AASS: variants seen among roughly 807,000 people sequenced by gnomAD.
AASS encodes alpha-aminoadipic semialdehyde synthase, mitochondrial.
In AASS, 86 loss-of-function variants were observed where a neutral mutation model predicts 105.4. The ratio of observed to expected loss-of-function variants is 0.82; its 90% CI spans 0.69 to 0.98. The LOEUF (loss-of-function observed/expected upper bound fraction) is 0.98, where lower values mean the gene tolerates loss of function less well. AASS is among the 50% of genes least tolerant of loss of function. The probability of loss-of-function intolerance (pLI) is 0.00; values close to 1 mark genes in which losing one functional copy is unlikely to be tolerated. For missense variants in AASS, 1,048 were observed against 1,143.2 expected, an observed-to-expected ratio of 0.92 and a Z score of 1.20; for synonymous variants, 381 against 394.8, an observed-to-expected ratio of 0.96 and a Z score of 0.41.
rs764089104 is a variant in AASS at position 122,078,902 on chromosome 7, C to T, written c.2445G>A (p.Leu815=). 3.1e-5 allele frequency: 50 copies of T among 1,614,002 alleles called. No individual in the cohort carries two copies. The East Asian group carries it at 1.0e-3, about 33-fold the overall frequency. ...DEQVPQAESI[L]DALSKHLVMK... ...TGACCAAATGCTTGGAGAGGGCATC[C>T]AGAATGGACTCTGCCTGAGGAACTT... The change falls in exon 22 of 24, where the codon CTG becomes CTA. Residue 815 remains leucine (L), a synonymous_variant. Coordinates refer to ENST00000417368, the MANE Select transcript of AASS (RefSeq NM_005763.4).
intron 1 of AASS, among the ~76,000 whole-genome samples, chr7:122,142,039 C>T (rs890404742): frequency 2.6e-5 from 4 of 152,132 alleles, no homozygotes; most frequent in African/African-American, 9.7e-5. Context: ...AAGCTACCTG[C>T]ATTAATAGCA....
intron 11 of AASS, among the ~76,000 whole-genome samples, chr7:122,106,714 T>G (rs1355228443): frequency 2.0e-5 from 3 of 152,106 alleles, no homozygotes; most frequent in African/African-American, 7.2e-5. Context: ...TGCAGAAGAT[T>G]AAAACTGGAT....
At chr7:122,120,539 C>T (rs1256095625) in intron 4 of AASS, among the ~76,000 whole-genome samples, 1 of 151,626 alleles carries the variant, frequency 6.6e-6, no homozygotes, top group Non-Finnish European at 1.5e-5. Flanking sequence ...CTATTCTTTT[C>T]CTGTTTTAGT....
intron 11 of AASS, among the ~76,000 whole-genome samples, chr7:122,108,458 T>C (rs557875051): frequency 1.3e-5 from 2 of 152,084 alleles, no homozygotes; most frequent in East Asian, 3.9e-4. Flanking sequence ...AACAGCATAT[T>C]TACAAGAGCA....
chr7:122,120,355 G>GACCT (rs2150541746), intron 4 of AASS, among the ~76,000 whole-genome samples: 1 of 152,076 alleles, frequency 6.6e-6, no homozygotes, highest in African/African-American at 2.4e-5. Context: ...CAAATTCATT[G>GACCT]ACCTATTCAT....
At chr7:122,126,541 T>C in intron 3 of AASS, 82 bp from the exon 4 acceptor site, 1 of 1,127,312 alleles carries the variant, frequency 8.9e-7, no homozygotes, top group South Asian at 1.2e-5. Flanking sequence ...CAAGTAAATA[T>C]TTCACATTTT....
rs773110350 is a variant in AASS at position 122,077,870 on chromosome 7, G to A, written c.2630C>T (p.Pro877Leu). 1.9e-6 allele frequency: 3 copies of A among 1,614,108 alleles called. No individual in the cohort carries two copies. The highest frequency in any genetic ancestry group is 1.1e-5 in the South Asian group (1 of 91,074). The change falls in exon 23 of 24, where the codon CCC (proline) becomes CTC (leucine). Residue 877 changes from proline (P) to leucine (L), a missense_variant. Physicochemically the swap from Pro to Leu is moderately conservative, Grantham distance 98. Coordinates refer to ENST00000417368, the MANE Select transcript of AASS (RefSeq NM_005763.4). The stretch of plus-strand genomic sequence containing the variant: ...CAACATTTTGGCTGCCATGGCGGTG[G>A]GTAACCCCACGGTTTTAGCCATGGC... ...FSAMAKTVGL[P>L]TAMAAKMLLD...
chr7:122,125,969 G>A (rs537922838), intron 4 of AASS, among the ~76,000 whole-genome samples: 1 of 152,272 alleles, frequency 6.6e-6, no homozygotes, highest in Non-Finnish European at 1.5e-5. Flanking sequence ...ACAACATATT[G>A]TGGTGTTTCT....
In AASS at chr7:122,078,800, C is replaced by T. The variant is rs575593407; in HGVS notation, c.2485+62G>A. ...GGGGCCAACCCTCCAATACGATTAT[C>T]TGCACTGACTCTATCTTATGATTCT... is the stretch of plus-strand genomic sequence containing the variant. On this transcript the variant is annotated intron_variant, in intron 22 of 23. Coordinates refer to ENST00000417368, the MANE Select transcript of AASS (RefSeq NM_005763.4). 1.1e-4 allele frequency: 166 copies of T among 1,492,298 alleles called. No individual in the cohort carries two copies. The African/African-American group carries it at 1.9e-3, about 17-fold the overall frequency. 92.4% of individuals were successfully genotyped at this position (1,492,298 alleles called of 1,614,324 possible). A position where few individuals can be genotyped will look rare whatever the true frequency, so the allele number is the denominator to read the frequency against.
chr7:122,088,696 G>C (rs564246910), intron 18 of AASS, among the ~76,000 whole-genome samples: 1 of 152,080 alleles, frequency 6.6e-6, no homozygotes, highest in East Asian at 1.9e-4. Flanking sequence ...GCAATGGATA[G>C]AGGGCTAGAA....
intron 18 of AASS, among the ~76,000 whole-genome samples, chr7:122,090,771 T>G (rs1242210639): frequency 1.3e-5 from 2 of 152,134 alleles, no homozygotes; most frequent in Non-Finnish European, 2.9e-5. Context: ...GCTCTGTCAC[T>G]TGCCATCTCT....
chr7:122,131,562 AT>A (rs1795918344), intron 2 of AASS, among the ~76,000 whole-genome samples: 1 of 151,972 alleles, frequency 6.6e-6, no homozygotes, highest in Admixed American at 6.5e-5. Flanking sequence ...TTTCCTGGAC[AT>A]TAATTTTTCC....
intron 4 of AASS, among the ~76,000 whole-genome samples, chr7:122,124,352 G>A (rs1344906159): frequency 2.6e-5 from 4 of 152,056 alleles, no homozygotes; most frequent in South Asian, 2.1e-4. Flanking sequence ...GCATGATCTC[G>A]GCTTCCTGCA....
Position 122,074,347 on chromosome 7 carries a change from TG to T in AASS, c.*2141del, listed in dbSNP as rs1792904034. ...GAATTATATGCCTTTTAATTATTAT[TG>T]TAACAGTTCTTTACATATTCTAAAT... On this transcript the variant is annotated 3_prime_UTR_variant, in exon 24 of 24. Transcript: ENST00000417368. Among the ~76,000 whole-genome samples the T allele has an allele frequency of 6.6e-6, 1 of 152,212 alleles. No homozygotes were observed.
In AASS at chr7:122,133,859, G is replaced by A; in HGVS notation, c.-15-118C>T. 3 of 885,126 alleles carry A rather than the reference G, an allele frequency of 3.4e-6. No homozygotes were observed. In the South Asian group the frequency reaches 4.1e-5, roughly 12 times the overall value. The allele number at this position is 885,126 out of a possible 1,614,324, so 54.8% of individuals were successfully genotyped here. A position where few individuals can be genotyped will look rare whatever the true frequency, so the allele number is the denominator to read the frequency against. On this transcript the variant is annotated intron_variant, in intron 1 of 23. Coordinates refer to ENST00000417368, the MANE Select transcript of AASS (RefSeq NM_005763.4). ...CCGCTCTTATGAAAACAGACACAAG[G>A]TAGAGAAGAGGGAAGGGAAAACTGG...
chr7:122,135,074 T>A (rs1796081517), intron 1 of AASS, among the ~76,000 whole-genome samples: 1 of 151,740 alleles, frequency 6.6e-6, no homozygotes, highest in Non-Finnish European at 1.5e-5. Flanking sequence ...AATTGAACAA[T>A]GGGAACACTT....
rs13223149 is a variant in AASS, at chr7:122,101,803, A to C, written c.1279-123T>G. The C allele has an allele frequency of 0.061, 46,553 of 762,658 alleles. 1,723 individuals are homozygous for C. The highest frequency in any genetic ancestry group is 0.092 in the Middle Eastern group (343 of 3,724). The allele number at this position is 762,658 out of a possible 1,614,324, so 47.2% of individuals were successfully genotyped here. A position where few individuals can be genotyped will look rare whatever the true frequency, so the allele number is the denominator to read the frequency against. On this transcript the variant is annotated intron_variant, in intron 11 of 23. Coordinates refer to ENST00000417368, the MANE Select transcript of AASS (RefSeq NM_005763.4). ...TAATTTAAGAAACAGTTTTCTGAGG[A>C]TCACCGAGTATAAGTGATTGCTAAT...
At chr7:122,143,746 G>T (rs1200921175) in intron 1 of AASS, among the ~76,000 whole-genome samples, 1 of 151,956 alleles carries the variant, frequency 6.6e-6, no homozygotes, top group Non-Finnish European at 1.5e-5. Flanking sequence ...CTCTAAGCAC[G>T]CCGTCCACAA....
intron 3 of AASS, among the ~76,000 whole-genome samples, chr7:122,129,088 C>T (rs532844469): frequency 6.6e-6 from 1 of 152,098 alleles, no homozygotes; most frequent in South Asian, 2.1e-4. Flanking sequence ...AAAAAAAAAT[C>T]CCATCTGAAA....
Sources: allele counts gnomAD v4.1 joint callset (sites outside exome capture counted in the v4.1 genomes callset), GRCh38; gene constraint gnomAD v4.1.1; transcripts MANE v1.5; gene names NCBI Gene and HGNC (gene_info 2026-07-23, HGNC 2026-07-21).